PIK3CB: variants seen among roughly 807,000 people sequenced by gnomAD.
PIK3CB encodes the protein phosphatidylinositol 4,5-bisphosphate 3-kinase catalytic subunit beta isoform.
A neutral mutation model predicts 136.8 loss-of-function variants in PIK3CB; 39 were observed. The observed-to-expected ratio is 0.29, with a 90% CI of 0.22 to 0.37. The LOEUF is 0.37. Among genes scored for constraint, PIK3CB ranks in the 10% least tolerant of loss-of-function variants. The probability of loss-of-function intolerance (pLI) is 1.00; values close to 1 mark genes in which losing one functional copy is unlikely to be tolerated. For missense variants in PIK3CB, 868 were observed against 1,275.4 expected (o/e 0.68, Z 4.87); for synonymous variants, 428 against 436.6 (o/e 0.98, Z 0.25).
At chr3:138,717,493 A>G (rs2087657354) in intron 8 of PIK3CB, among the ~76,000 whole-genome samples, 1 of 151,956 alleles carries the variant, frequency 6.6e-6, no homozygotes. Context: ...TCCAAAACTC[A>G]TTAAATGAAA....
intron 1 of PIK3CB, chr3:138,826,383 C>A: frequency 6.7e-7 from 1 of 1,497,002 alleles, no homozygotes; most frequent in Non-Finnish European, 9.1e-7. Flanking sequence ...GAAGAATAGC[C>A]TCAGAAATGT....
At chr3:138,806,408 C>T (rs1243218227) in intron 1 of PIK3CB, among the ~76,000 whole-genome samples, 2 of 152,192 alleles carry the variant, frequency 1.3e-5, no homozygotes, top group East Asian at 3.9e-4. Context: ...ATTGCTTGAA[C>T]CAGGAGGCAG....
At chr3:138,667,478 A>T (rs2043437987) in intron 19 of PIK3CB, among the ~76,000 whole-genome samples, 1 of 152,078 alleles carries the variant, frequency 6.6e-6, no homozygotes, top group South Asian at 2.1e-4. Flanking sequence ...TATCACAATC[A>T]GATAGTTTCT....
chr3:138,811,164 T>C (rs552698829), intron 1 of PIK3CB, among the ~76,000 whole-genome samples: 2 of 142,550 alleles, frequency 1.4e-5, no homozygotes, highest in East Asian at 2.1e-4. Flanking sequence ...GAGGCGAGGG[T>C]TGCAGTGAGC....
At chr3:138,740,904 A>G (rs1391963555) in intron 5 of PIK3CB, among the ~76,000 whole-genome samples, 1 of 152,146 alleles carries the variant, frequency 6.6e-6, no homozygotes, top group East Asian at 1.9e-4. Flanking sequence ...TCAGCCTCCC[A>G]AAGTGGCTGT....
intron 1 of PIK3CB, among the ~76,000 whole-genome samples, chr3:138,831,281 AAAATT>A (rs1553745243): frequency 1.3e-5 from 2 of 148,278 alleles, no homozygotes; most frequent in Admixed American, 6.7e-5. Flanking sequence ...AAAATAAAAT[AAAATT>A]AAATTAAATT....
intron 13 of PIK3CB, among the ~76,000 whole-genome samples, chr3:138,698,210 A>G (rs1162000569): frequency 6.6e-6 from 1 of 152,240 alleles, no homozygotes; most frequent in Non-Finnish European, 1.5e-5. Flanking sequence ...AGAGAGATTC[A>G]TTGAACTGAA....
At chr3:138,675,338 A>C (rs1200038220) in intron 19 of PIK3CB, among the ~76,000 whole-genome samples, 1 of 152,152 alleles carries the variant, frequency 6.6e-6, no homozygotes, top group Admixed American at 6.5e-5. Context: ...CACCAAGCAA[A>C]GCAATAAATG....
Position 138,688,913 on chromosome 3 carries a change from G to A in PIK3CB, c.2098C>T (p.Arg700Trp), listed in dbSNP as rs371601853. ...QFGVILEAYC[R>W]GSVGHMKVLS... ...ACTTTCATGTGCCCCACACTTCCCC[G>A]GCAGTATGCTTCAAGGATGACACCA... is the stretch of plus-strand genomic sequence containing the variant. Residue 700 changes from arginine to tryptophan, a missense_variant, in exon 16 of 24, where the codon CGG (arginine) becomes TGG (tryptophan). Physicochemically the swap from Arg to Trp is moderately radical, Grantham distance 101. Transcript: ENST00000674063. 15 of 1,613,426 alleles carry A rather than the reference G, an allele frequency of 9.3e-6. No individual in the cohort carries two copies. The highest frequency in any genetic ancestry group is 2.2e-5 in the East Asian group (1 of 44,872).
intron 1 of PIK3CB, among the ~76,000 whole-genome samples, chr3:138,818,067 C>T (rs559740685): frequency 5.0e-4 from 76 of 152,198 alleles, no homozygotes; most frequent in African/African-American, 1.7e-3. Flanking sequence ...TGGGAGCTAT[C>T]GATAGCTTGA....
intron 14 of PIK3CB, among the ~76,000 whole-genome samples, chr3:138,693,885 G>A (rs1344505630): frequency 1.5e-5 from 2 of 135,446 alleles, no homozygotes; most frequent in Non-Finnish European, 3.1e-5. Context: ...AATCAAGACT[G>A]GATAAGGAAA....
At chr3:138,709,365 T>C (rs559462509) in intron 10 of PIK3CB, among the ~76,000 whole-genome samples, 40 of 151,472 alleles carry the variant, frequency 2.6e-4, no homozygotes, top group Admixed American at 1.2e-3. Context: ...AGAGAAGATA[T>C]GGTGATATGT....
chr3:138,823,697 G>A (rs1390558530), intron 1 of PIK3CB, among the ~76,000 whole-genome samples: 1 of 151,940 alleles, frequency 6.6e-6, no homozygotes, highest in East Asian at 1.9e-4. Flanking sequence ...GCGAGGCTCT[G>A]TCTCAAAAAA....
At position 138,655,348 on chromosome 3, in the gene PIK3CB, G is replaced by C; in HGVS notation, c.*41C>G. On this transcript the variant is annotated 3_prime_UTR_variant, in exon 24 of 24. Transcript: ENST00000674063. ...TTTAGTGCAAGTGCAAAATGAAAAT[G>C]AAATGAAACCAACAAATACATTAGG... 1 of 1,601,808 alleles carries C rather than the reference G, an allele frequency of 6.2e-7. No homozygotes were observed. Among genetic ancestry groups the C allele is most frequent in the Non-Finnish European group, 8.5e-7 (1 of 1,171,164 alleles).
intron 4 of PIK3CB, among the ~76,000 whole-genome samples, chr3:138,750,175 G>A (rs565050264): frequency 8.5e-5 from 13 of 152,124 alleles, no homozygotes; most frequent in South Asian, 2.1e-4. Flanking sequence ...CCCCAAGCTC[G>A]GCCAATGTGA....
chr3:138,707,417 A>T, intron 10 of PIK3CB, 128 bp from the exon 11 acceptor site: 1 of 1,382,254 alleles, frequency 7.2e-7, no homozygotes, highest in Non-Finnish European at 9.3e-7. Context: ...GTGACAGACA[A>T]TTCTATCAGT....
At chr3:138,773,427 A>G (rs2045823353) in intron 2 of PIK3CB, among the ~76,000 whole-genome samples, 1 of 152,164 alleles carries the variant, frequency 6.6e-6, no homozygotes, top group Admixed American at 6.5e-5. Flanking sequence ...AAATTTAGAC[A>G]TATAATCCAT....
At chr3:138,707,138 T>A (rs1254733416) in intron 11 of PIK3CB, 21 bp downstream of exon 11, 1 of 1,314,740 alleles carries the variant, frequency 7.6e-7, no homozygotes, top group Non-Finnish European at 1.1e-6. Flanking sequence ...TGCATAGAGG[T>A]CCTTTAAATA....
At chr3:138,778,736 A>G in intron 2 of PIK3CB, 1 of 261,942 alleles carries the variant, frequency 3.8e-6, no homozygotes, top group Admixed American at 4.2e-5. Context: ...CTACTTTGTC[A>G]AGCTCATTTC....
Sources: gnomAD v4.1 joint callset for allele counts (sites outside exome capture counted in the v4.1 genomes callset) on GRCh38, gnomAD v4.1.1 for gene constraint, MANE v1.5 for transcripts, NCBI Gene and HGNC (gene_info 2026-07-23, HGNC 2026-07-21) for gene names.